Variants in SENP6 observed in about 807,000 individuals in gnomAD.
SENP6 encodes sentrin-specific protease 6.
SENP6 carries 41 observed loss-of-function variants against 134.5 expected under a neutral mutation model. The ratio of observed to expected loss-of-function variants is 0.30; its 90% confidence interval spans 0.24 to 0.40. The LOEUF is 0.40. Among genes scored for constraint, SENP6 ranks in the 10% least tolerant of loss-of-function variants. The pLI, the probability that SENP6 is intolerant of heterozygous loss-of-function variation, is 1.00. For missense variants in SENP6, 1,248 were observed against 1,312.5 expected, an observed-to-expected ratio of 0.95 and a Z score of 0.76; for synonymous variants, 395 against 429.8, an observed-to-expected ratio of 0.92 and a Z score of 1.00.
intron 7 of SENP6, among the ~76,000 whole-genome samples, chr6:75,657,725 C>T (rs1771456620): frequency 6.6e-6 from 1 of 152,070 alleles, no homozygotes; most frequent in Non-Finnish European, 1.5e-5. Context: ...AACAGAAGTA[C>T]AAATAACAAT....
intron 19 of SENP6, among the ~76,000 whole-genome samples, chr6:75,707,983 GC>G (rs1775516435): frequency 6.6e-6 from 1 of 152,086 alleles, no homozygotes; most frequent in Non-Finnish European, 1.5e-5. Context: ...ACTGTGCCCG[GC>G]CCCATAGTGC....
At chr6:75,665,117 T>C (rs1482311578) in intron 9 of SENP6, among the ~76,000 whole-genome samples, 4 of 152,060 alleles carry the variant, frequency 2.6e-5, no homozygotes, top group African/African-American at 9.7e-5. Flanking sequence ...AAACCCCGTC[T>C]CTACTAAAAA....
intron 1 of SENP6, among the ~76,000 whole-genome samples, chr6:75,620,082 CAAAAA>C (rs10526946): frequency 3.1e-5 from 4 of 127,836 alleles, no homozygotes; most frequent in Admixed American, 8.5e-5. Context: ...TACCTTGCCT[CAAAAA>C]AAAAAAAAAA....
At chr6:75,694,866 T>A (rs1254328122) in intron 16 of SENP6, among the ~76,000 whole-genome samples, 1 of 152,094 alleles carries the variant, frequency 6.6e-6, no homozygotes. Flanking sequence ...GCCCTTGGTT[T>A]TTTTTAATTT....
chr6:75,681,011 A>G (rs1465512290), intron 16 of SENP6, among the ~76,000 whole-genome samples: 3 of 152,260 alleles, frequency 2.0e-5, no homozygotes, highest in Admixed American at 6.5e-5. Flanking sequence ...CAGAATCAGG[A>G]AGATCTCAAA....
At chr6:75,691,840 C>T (rs574868511) in intron 16 of SENP6, among the ~76,000 whole-genome samples, 13 of 151,920 alleles carry the variant, frequency 8.6e-5, no homozygotes, top group African/African-American at 2.2e-4. Flanking sequence ...GTGATCCGCC[C>T]GCCTCGGCCT....
At chr6:75,696,442 C>A (rs1774670580) in intron 17 of SENP6, among the ~76,000 whole-genome samples, 1 of 152,038 alleles carries the variant, frequency 6.6e-6, no homozygotes, top group Non-Finnish European at 1.5e-5. Flanking sequence ...TCTTCTCAGA[C>A]AAATTAAGGA....
chr6:75,639,931 A>G (rs964378484), intron 5 of SENP6, among the ~76,000 whole-genome samples: 1 of 152,202 alleles, frequency 6.6e-6, no homozygotes, highest in African/African-American at 2.4e-5. Context: ...TTGTTTCTTG[A>G]AGACTATTTC....
chr6:75,604,627 A>C (rs1367740865), intron 1 of SENP6, among the ~76,000 whole-genome samples: 3 of 149,192 alleles, frequency 2.0e-5, no homozygotes, highest in African/African-American at 7.3e-5. Flanking sequence ...TCTGTCTCCA[A>C]AAAAAAAAAG....
intron 16 of SENP6, among the ~76,000 whole-genome samples, chr6:75,686,244 C>T (rs1582858245): frequency 2.0e-5 from 3 of 151,854 alleles, no homozygotes; most frequent in Admixed American, 6.6e-5. Context: ...TTTCCATTTG[C>T]TTGGTAGATC....
intron 10 of SENP6, among the ~76,000 whole-genome samples, chr6:75,670,067 T>G (rs181037212): frequency 1.0e-3 from 153 of 152,078 alleles, no homozygotes; most frequent in African/African-American, 3.6e-3. Flanking sequence ...CTGAGTAGCC[T>G]CCTGAGTAGC....
intron 7 of SENP6, among the ~76,000 whole-genome samples, chr6:75,657,247 T>G (rs2149858777): frequency 6.6e-6 from 1 of 152,360 alleles, no homozygotes; most frequent in South Asian, 2.1e-4. Flanking sequence ...GTTGTGTGTT[T>G]CAGACAACTG....
intron 3 of SENP6, among the ~76,000 whole-genome samples, chr6:75,633,321 C>T (rs1454014285): frequency 6.6e-6 from 1 of 151,998 alleles, no homozygotes; most frequent in African/African-American, 2.4e-5. Flanking sequence ...GATCCTCTAC[C>T]CTAATTGTCT....
intron 1 of SENP6, among the ~76,000 whole-genome samples, chr6:75,605,587 G>C (rs1035014830): frequency 6.6e-6 from 1 of 152,144 alleles, no homozygotes; most frequent in Non-Finnish European, 1.5e-5. Context: ...CCTTAACTAA[G>C]AGACACTTCA....
intron 3 of SENP6, among the ~76,000 whole-genome samples, chr6:75,626,012 A>G (rs182106143): frequency 4.1e-4 from 63 of 152,332 alleles, no homozygotes; most frequent in Admixed American, 5.9e-4. Context: ...TGATGACACT[A>G]GCAGGTATAT....
In SENP6 at chr6:75,715,501, G is replaced by C; in HGVS notation, c.3246G>C (p.Gln1082His). The change falls in exon 24 of 24, where the codon CAG becomes CAC. Residue 1082 changes from glutamine (Q) to histidine (H), a missense_variant. Gln to His is a conservative substitution (Grantham distance 24). This residue lies in a region of SENP6 where 386 missense variants were observed against 395.0 expected (regional missense o/e 0.98). Transcript: ENST00000447266. The stretch of plus-strand genomic sequence containing the variant: ...TAATTCTGAAGCTACAGGAAGATCA[G>C]AGCAAAGAGAAAAGAAAGCATAAGG... ...RNIILKLQED[Q>H]SKEKRKHKDT... 7.4e-6 allele frequency: 12 copies of C among 1,613,434 alleles called. No individual in the cohort carries two copies. Among genetic ancestry groups the C allele is most frequent in the Non-Finnish European group, 9.3e-6 (11 of 1,179,566 alleles).
intron 19 of SENP6, among the ~76,000 whole-genome samples, chr6:75,703,638 G>A (rs9350598): frequency 6.6e-6 from 1 of 152,026 alleles, no homozygotes; most frequent in African/African-American, 2.4e-5. Flanking sequence ...GGTGCCCATC[G>A]GTGGTCCCAG....
intron 14 of SENP6, chr6:75,678,196 T>C (rs1773222312): frequency 5.8e-6 from 1 of 173,558 alleles, no homozygotes; most frequent in Non-Finnish European, 1.2e-5. Context: ...CTCATTAGAC[T>C]GTGTTCCCTG....
intron 3 of SENP6, among the ~76,000 whole-genome samples, chr6:75,629,925 A>C (rs1457697734): frequency 1.3e-5 from 2 of 152,170 alleles, no homozygotes; most frequent in African/African-American, 4.8e-5. Context: ...AAAAAAGAAG[A>C]GACTATTCCT....
Sources: allele counts gnomAD v4.1 joint callset (sites outside exome capture counted in the v4.1 genomes callset), GRCh38; gene constraint gnomAD v4.1.1; regional missense constraint gnomAD v4.1.1; transcripts MANE v1.5; gene names NCBI Gene and HGNC (gene_info 2026-07-23, HGNC 2026-07-21).